The following DMD variants were observed in gnomAD, a reference collection of about 807,000 sequenced individuals.
DMD encodes mutant dystrophin.
A neutral mutation model predicts 330.1 loss-of-function variants in DMD; 63 were observed. The observed-to-expected ratio is 0.19, with a 90% confidence interval of 0.16 to 0.24. The LOEUF (loss-of-function observed/expected upper bound fraction) is 0.24. DMD is among the 10% of genes least tolerant of loss of function. The probability of loss-of-function intolerance (pLI) is 1.00; values close to 1 mark genes in which losing one functional copy is unlikely to be tolerated. For missense variants in DMD, 3,344 were observed against 2,684.1 expected (o/e 1.25, Z -5.43); for synonymous variants, 1,223 against 959.8 (o/e 1.27, Z -5.07).
intron 2 of DMD, among the ~76,000 whole-genome samples, chrX:32,946,388 T>G (rs2090810393): frequency 9.0e-6 from 1 of 111,516 alleles, no homozygotes; most frequent in Non-Finnish European, 1.9e-5. Context: ...CAACAATAAC[T>G]ATTAAGAAAA....
At chrX:31,681,645 C>A (rs866393241) in intron 52 of DMD, among the ~76,000 whole-genome samples, 1 of 112,484 alleles carries the variant, frequency 8.9e-6, no homozygotes, top group East Asian at 2.8e-4. Flanking sequence ...GAATAAAGAG[C>A]AAGGGAGAGA....
At chrX:31,594,768 C>T (rs2077036807) in intron 55 of DMD, among the ~76,000 whole-genome samples, 1 of 110,560 alleles carries the variant, frequency 9.0e-6, no homozygotes, top group Non-Finnish European at 1.9e-5. Flanking sequence ...CTTTCCAGGG[C>T]ATATCATTGA....
intron 1 of DMD, among the ~76,000 whole-genome samples, chrX:33,050,308 T>C (rs2094441803): frequency 8.9e-6 from 1 of 111,893 alleles, no homozygotes; most frequent in African/African-American, 3.2e-5. Flanking sequence ...ACAACATTTA[T>C]AAATGACTAA....
At position 32,036,311 on chromosome X, in the gene DMD, T is replaced by A. The variant is rs190522038; in HGVS notation, c.6439-67797A>T. ...GAGGAGCAAGACTGAAATTCCAGAG[T>A]CTAGGCAAGAGATAGTGTTTTGAAA... On this transcript the variant is annotated intron_variant, in intron 44 of 78. Transcript: ENST00000357033. Among the ~76,000 whole-genome samples, 429 of 111,059 alleles carry A rather than the reference T, an allele frequency of 3.9e-3. 4 individuals are homozygous for A. Among genetic ancestry groups the A allele is most frequent in the Non-Finnish European group, 4.9e-3 (261 of 52,858 alleles).
At chrX:31,279,189 T>C (rs1215927797) in intron 62 of DMD, among the ~76,000 whole-genome samples, 2 of 112,235 alleles carry the variant, frequency 1.8e-5, no homozygotes, top group African/African-American at 6.5e-5. Context: ...TTAAAAGCAC[T>C]AGATTATGGA....
At chrX:31,997,011 C>T (rs1159739199) in intron 44 of DMD, among the ~76,000 whole-genome samples, 1 of 111,196 alleles carries the variant, frequency 9.0e-6, no homozygotes, top group Non-Finnish European at 1.9e-5. Context: ...GGGTTCAGCT[C>T]TTTTCAATTA....
intron 62 of DMD, chrX:31,261,837 C>T (rs1353645408): frequency 8.9e-6 from 1 of 112,361 alleles, no homozygotes; most frequent in East Asian, 2.8e-4. Flanking sequence ...CTACATAAAT[C>T]ACCATAGCGT....
intron 17 of DMD, among the ~76,000 whole-genome samples, chrX:32,543,402 A>G: frequency 9.0e-6 from 1 of 110,699 alleles, no homozygotes; most frequent in Non-Finnish European, 1.9e-5. Context: ...ACAGAGATTG[A>G]CATGAATCAG....
At chrX:33,037,415 T>C (rs1192164271) in intron 1 of DMD, among the ~76,000 whole-genome samples, 1 of 111,200 alleles carries the variant, frequency 9.0e-6, no homozygotes, top group Non-Finnish European at 1.9e-5. Context: ...GGTATTTATC[T>C]GCCATAAACA....
At chrX:32,454,887 A>G in intron 25 of DMD, 55 bp from the exon 26 acceptor site, 1 of 1,151,762 alleles carries the variant, frequency 8.7e-7, no homozygotes. Flanking sequence ...AAACATTATT[A>G]TTATATTATT....
In DMD at chrX:32,699,411, A is replaced by C. The variant is rs2063914965; in HGVS notation, c.650-118T>G. 11 of 609,191 alleles carry C rather than the reference A, an allele frequency of 1.8e-5. No individual in the cohort carries two copies. The South Asian group carries it at 2.5e-4, about 14-fold the overall frequency. 50.2% of individuals were successfully genotyped at this position (609,191 alleles called of 1,213,427 possible). On this transcript the variant is annotated intron_variant, in intron 7 of 78. Coordinates refer to ENST00000357033, the MANE Select transcript of DMD (RefSeq NM_004006.3). ...TAGATTAATGAACAGTGAATTGTCCATGAATGTCCTCCAGAGACTAATTAG... is the reference window on the plus strand; with the variant it reads ...TAGATTAATGAACAGTGAATTGTCCCTGAATGTCCTCCAGAGACTAATTAG...
At chrX:31,127,536 T>C (rs1320420917) in intron 77 of DMD, among the ~76,000 whole-genome samples, 1 of 112,102 alleles carries the variant, frequency 8.9e-6, no homozygotes, top group Non-Finnish European at 1.9e-5. Context: ...AATCTTGGTT[T>C]TCAAACTGTT....
At chrX:32,859,792 G>T (rs1158360952) in intron 2 of DMD, among the ~76,000 whole-genome samples, 1 of 110,797 alleles carries the variant, frequency 9.0e-6, no homozygotes, top group Non-Finnish European at 1.9e-5. Context: ...GTTGCAGGTG[G>T]CATTTTATAT....
intron 69 of DMD, among the ~76,000 whole-genome samples, chrX:31,179,137 A>T (rs1341652113): frequency 8.9e-6 from 1 of 112,818 alleles, no homozygotes; most frequent in East Asian, 2.8e-4. Context: ...CAAAAAGGTG[A>T]CATTAAATTT....
At chrX:32,777,243 T>A (rs1274812800) in intron 7 of DMD, among the ~76,000 whole-genome samples, 2 of 60,779 alleles carry the variant, frequency 3.3e-5, no homozygotes, top group African/African-American at 1.4e-4. Context: ...CAGACTGGAC[T>A]GGAAGTTCCT....
In DMD at chrX:32,832,782, A is replaced by G. The variant is rs144419418; in HGVS notation, c.265-9395T>C. On this transcript the variant is annotated intron_variant, in intron 4 of 78. Coordinates refer to ENST00000357033, the MANE Select transcript of DMD (RefSeq NM_004006.3). The stretch of plus-strand genomic sequence containing the variant: ...TTTTCTTCCATTGAGAGATGCATGT[A>G]TTGAATCTTTTTCTTATTAAATCAT... Among the ~76,000 whole-genome samples, 455 of 111,850 alleles carry G rather than the reference A, an allele frequency of 4.1e-3. 2 individuals carry two copies. Among genetic ancestry groups the G allele is most frequent in the African/African-American group, 0.014 (427 of 31,033 alleles).
chrX:32,660,423 C>T (rs759381901), intron 9 of DMD, among the ~76,000 whole-genome samples: 2 of 111,154 alleles, frequency 1.8e-5, no homozygotes, highest in South Asian at 3.7e-4. Context: ...AGAAAGTAAA[C>T]GTCCTAAAGT....
At chrX:32,436,577 T>A (rs1052826717) in intron 29 of DMD, among the ~76,000 whole-genome samples, 1 of 111,646 alleles carries the variant, frequency 9.0e-6, no homozygotes, top group Non-Finnish European at 1.9e-5. Flanking sequence ...AGGATTGCAA[T>A]ATAATTACAT....
intron 7 of DMD, among the ~76,000 whole-genome samples, chrX:32,700,180 G>A (rs1308047856): frequency 2.7e-5 from 3 of 111,505 alleles, no homozygotes; most frequent in Non-Finnish European, 5.7e-5. Context: ...TACTAGAAAT[G>A]TTAACACATA....
Sources: allele counts gnomAD v4.1 joint callset (sites outside exome capture counted in the v4.1 genomes callset), GRCh38; gene constraint gnomAD v4.1.1; transcripts MANE v1.5; gene names NCBI Gene and HGNC (gene_info 2026-07-23, HGNC 2026-07-21).